PHLPP2: variants seen among roughly 807,000 people sequenced by gnomAD.
The protein encoded by PHLPP2 is PH domain and leucine rich repeat protein phosphatase 2.
A neutral mutation model predicts 124.9 loss-of-function variants in PHLPP2; 66 were observed. The observed-to-expected ratio is 0.53, with a 90% confidence interval of 0.43 to 0.65. The LOEUF (loss-of-function observed/expected upper bound fraction) is 0.65, where lower values mean the gene tolerates loss of function less well. Ranked by LOEUF, PHLPP2 falls within the 30% of genes least tolerant of loss-of-function variation. The probability of loss-of-function intolerance (pLI) is 0.00; values close to 1 mark genes in which losing one functional copy is unlikely to be tolerated. For missense variants in PHLPP2, 1,685 were observed against 1,600.4 expected, an observed-to-expected ratio of 1.05 and a Z score of -0.90; for synonymous variants, 681 against 624.7, an observed-to-expected ratio of 1.09 and a Z score of -1.34.
At chr16:71,669,570 G>C (rs1052725239) in intron 10 of PHLPP2, among the ~76,000 whole-genome samples, 200 bp from the exon 11 acceptor site, 1 of 152,202 alleles carries the variant, frequency 6.6e-6, no homozygotes, top group African/African-American at 2.4e-5. Context: ...GGAGAGACAA[G>C]TACCTGAAAA....
At chr16:71,698,838 C>T (rs1018324286) in intron 3 of PHLPP2, 2 of 230,956 alleles carry the variant, frequency 8.7e-6, no homozygotes, top group South Asian at 6.1e-5. Flanking sequence ...TCCCCCAGCA[C>T]TCCCTCTCCA....
intron 11 of PHLPP2, 51 bp from the exon 12 acceptor site, chr16:71,667,384 C>A: frequency 7.1e-7 from 1 of 1,415,596 alleles, no homozygotes. Flanking sequence ...TTAAATCATT[C>A]TTTCTGAGGC....
In PHLPP2 at chr16:71,652,782, G is replaced by C. The variant is rs982956338; in HGVS notation, c.2817+8C>G. 1.6e-5 allele frequency: 25 copies of C among 1,602,096 alleles called. No homozygotes were observed. The highest frequency in any genetic ancestry group is 2.1e-5 in the Non-Finnish European group (25 of 1,169,166). ...GAGCAGAAGTGACTGGCGGGGAGCG[G>C]AACACACCTCTGTGATGATGGCTTT... On this transcript the variant is annotated splice_region_variant and intron_variant, in intron 18 of 18. Transcript: ENST00000568954.
At chr16:71,656,498 G>T in intron 16 of PHLPP2, 73 bp downstream of exon 16, 2 of 799,890 alleles carry the variant, frequency 2.5e-6, no homozygotes, top group Non-Finnish European at 4.4e-6. Flanking sequence ...TAGCTATTAT[G>T]AGCATCAGGC....
At chr16:71,699,761 G>A (rs1057121860) in intron 3 of PHLPP2, among the ~76,000 whole-genome samples, 1 of 152,210 alleles carries the variant, frequency 6.6e-6, no homozygotes, top group African/African-American at 2.4e-5. Context: ...AGATGAGAGA[G>A]GTAAGAGAGC....
chr16:71,648,788 A>G lies in PHLPP2; in HGVS notation c.*102T>C. On this transcript the variant is annotated 3_prime_UTR_variant, in exon 19 of 19. Coordinates refer to ENST00000568954, the MANE Select transcript of PHLPP2 (RefSeq NM_015020.3). ...TCCGTCTCAAAACAAACAAACAAAA[A>G]AAAAACGAACAAACAAAAAGAAATG... The G allele has an allele frequency of 1.1e-6, 1 of 907,622 alleles. No individual in the cohort carries two copies. Among genetic ancestry groups the G allele is most frequent in the Non-Finnish European group, 1.7e-6 (1 of 587,736 alleles). The allele number at this position is 907,622 out of a possible 1,614,324, so 56.2% of individuals were successfully genotyped here.
chr16:71,670,908 G>A (rs2044887116), intron 10 of PHLPP2, among the ~76,000 whole-genome samples: 2 of 152,114 alleles, frequency 1.3e-5, no homozygotes, highest in Non-Finnish European at 2.9e-5. Flanking sequence ...GGAAGCTGAG[G>A]GAAATTGCCC....
Position 71,679,373 on chromosome 16 carries a change from A to C in PHLPP2, c.1037+16T>G, listed in dbSNP as rs373263303. 59 of 1,610,268 alleles carry C rather than the reference A, an allele frequency of 3.7e-5. No individual in the cohort carries two copies. Among genetic ancestry groups the C allele is most frequent in the Non-Finnish European group, 4.8e-5 (56 of 1,176,690 alleles). On this transcript the variant is annotated intron_variant, in intron 7 of 18. Coordinates refer to ENST00000568954, the MANE Select transcript of PHLPP2 (RefSeq NM_015020.3). ...ATTCTGCAAGGGAAAAGAGGAATCT[A>C]GTAAAAGTTACTTACTTTAGCAGAT...
intron 3 of PHLPP2, chr16:71,698,450 G>A: frequency 1.3e-6 from 1 of 744,180 alleles, no homozygotes; most frequent in Non-Finnish European, 2.4e-6. Flanking sequence ...ATGGTAACTT[G>A]GCCAATGTGA....
rs1311113371 is a variant in PHLPP2 at position 71,652,835 on chromosome 16, TG to T, written c.2771del (p.Pro924GlnfsTer7). ...LSKVFSLEQDPEEAQRVKDQK... is the reference protein window; with the variant it reads ...LSKVFSLEQDXEEAQRVKDQK... ...GGTCCTTCACCCTTTGAGCCTCCTC[TG>T]GGTCCTGCTCCAGGCTGAAGACTTT... is the stretch of plus-strand genomic sequence containing the variant. On this transcript the variant is annotated frameshift_variant, in exon 18 of 19. Transcript: ENST00000568954. LOFTEE classifies it high-confidence loss of function. 1 of 1,614,176 alleles carries T rather than the reference TG, an allele frequency of 6.2e-7. No individual in the cohort carries two copies. Among genetic ancestry groups the T allele is most frequent in the East Asian group, 2.2e-5 (1 of 44,874 alleles).
At chr16:71,717,609 C>G (rs904104931) in intron 1 of PHLPP2, among the ~76,000 whole-genome samples, 2 of 152,118 alleles carry the variant, frequency 1.3e-5, no homozygotes, top group African/African-American at 4.8e-5. Flanking sequence ...ACTGAATAGT[C>G]AAATACTGCT....
intron 3 of PHLPP2, among the ~76,000 whole-genome samples, chr16:71,698,960 T>C (rs963870578): frequency 2.0e-5 from 3 of 152,178 alleles, no homozygotes; most frequent in African/African-American, 4.8e-5. Context: ...CTTATGACCT[T>C]GGCTTTATTA....
At chr16:71,702,557 C>G (rs889176154) in intron 3 of PHLPP2, 41 bp downstream of exon 3, 52 of 1,553,676 alleles carry the variant, frequency 3.3e-5, no homozygotes, top group Non-Finnish European at 4.6e-5. Context: ...AATGATCAAC[C>G]TAAAAGTAGT....
At chr16:71,687,887 CT>C (rs1232014173) in intron 4 of PHLPP2, among the ~76,000 whole-genome samples, 1 of 152,092 alleles carries the variant, frequency 6.6e-6, no homozygotes, top group African/African-American at 2.4e-5. Flanking sequence ...CTGAAGGATT[CT>C]TTTATAGTTT....
chr16:71,682,403 G>A (rs543068614), intron 5 of PHLPP2, among the ~76,000 whole-genome samples: 3 of 151,882 alleles, frequency 2.0e-5, no homozygotes, highest in South Asian at 2.1e-4. Context: ...GGCTGGTTTC[G>A]AACTCCTGAC....
intron 18 of PHLPP2, among the ~76,000 whole-genome samples, chr16:71,651,271 G>T (rs952332159): frequency 4.0e-5 from 6 of 150,674 alleles, no homozygotes; most frequent in African/African-American, 1.5e-4. Context: ...CTGGGAGGTG[G>T]AGATTGTGGT....
In PHLPP2 at chr16:71,676,682, A is replaced by G. The variant is rs374491513; in HGVS notation, c.1269-33T>C. The G allele has an allele frequency of 4.2e-6, 6 of 1,436,364 alleles. No individual in the cohort carries two copies. The Admixed American group carries it at 6.7e-5, about 16-fold the overall frequency. The allele number at this position is 1,436,364 out of a possible 1,614,324, so 89.0% of individuals were successfully genotyped here. A position where few individuals can be genotyped will look rare whatever the true frequency, so the allele number is the denominator to read the frequency against. ...CGCAGAAACAAGAAAATAATCATAA[A>G]TAAGAGTCTATTAAATGTGCTTACC... On this transcript the variant is annotated intron_variant, in intron 8 of 18. Coordinates refer to ENST00000568954, the MANE Select transcript of PHLPP2 (RefSeq NM_015020.3).
intron 12 of PHLPP2, 161 bp from the exon 13 acceptor site, chr16:71,664,260 C>T: frequency 1.6e-6 from 1 of 615,876 alleles, no homozygotes; most frequent in Non-Finnish European, 2.9e-6. Flanking sequence ...TGATCCTATC[C>T]AACCCAAAGT....
At position 71,669,372 on chromosome 16, in the gene PHLPP2, T is replaced by C; in HGVS notation, c.1533-2A>G. 1 of 1,602,064 alleles carries C rather than the reference T, an allele frequency of 6.2e-7. No homozygotes were observed. Among genetic ancestry groups the C allele is most frequent in the Non-Finnish European group, 8.5e-7 (1 of 1,171,964 alleles). On this transcript the variant is annotated splice_acceptor_variant, in intron 10 of 18. Transcript: ENST00000568954. LOFTEE classifies it high-confidence loss of function. ...TCAGGGACACACTCTAGCAGGTTTC[T>C]GCAGAAAATAAATAATTAAATGGCA...
Sources: gnomAD v4.1 joint callset for allele counts (sites outside exome capture counted in the v4.1 genomes callset) on GRCh38, gnomAD v4.1.1 for gene constraint, MANE v1.5 for transcripts, NCBI Gene and HGNC (gene_info 2026-07-23, HGNC 2026-07-21) for gene names.